Variants in RGSL1 observed in about 807,000 individuals in gnomAD.
The protein encoded by RGSL1 is regulator of G protein signaling like 1.
RGSL1 carries 97 observed loss-of-function variants against 124.7 expected under a neutral mutation model. The ratio of observed to expected loss-of-function variants is 0.78; its 90% CI spans 0.66 to 0.92. The LOEUF (loss-of-function observed/expected upper bound fraction) is 0.92. Among genes scored for constraint, RGSL1 ranks in the 40% least tolerant of loss-of-function variants. The pLI is 0.00. For synonymous variants in RGSL1, 424 were observed against 438.1 expected, an observed-to-expected ratio of 0.97 and a Z score of 0.40; for missense variants, 1,233 against 1,288.4, an observed-to-expected ratio of 0.96 and a Z score of 0.66.
chr1:182,496,329 T>C (rs112605258), intron 9 of RGSL1, among the ~76,000 whole-genome samples: 1,565 of 152,162 alleles, frequency 0.01, 19 homozygotes, highest in African/African-American at 0.031. Context: ...ACCTCCAACA[T>C]TGGAGATTAC....
intron 6 of RGSL1, among the ~76,000 whole-genome samples, chr1:182,482,454 A>G (rs1455608205): frequency 6.6e-6 from 1 of 152,280 alleles, no homozygotes; most frequent in East Asian, 1.9e-4. Context: ...GAAACTATAT[A>G]GAAAAAGTAA....
At chr1:182,559,667 G>A (rs985711913) in intron 21 of RGSL1, among the ~76,000 whole-genome samples, 4 of 152,142 alleles carry the variant, frequency 2.6e-5, no homozygotes, top group Non-Finnish European at 5.9e-5. Flanking sequence ...GACATACAAG[G>A]CCATTGCTAA....
intron 8 of RGSL1, among the ~76,000 whole-genome samples, 180 bp downstream of exon 8, chr1:182,489,382 C>T (rs554084865): frequency 1.3e-5 from 2 of 152,290 alleles, no homozygotes; most frequent in East Asian, 3.9e-4. Context: ...GAGGATGTGA[C>T]CTCCCCAGGG....
At chr1:182,558,032 G>C (rs1348582001) in intron 21 of RGSL1, among the ~76,000 whole-genome samples, 1 of 151,734 alleles carries the variant, frequency 6.6e-6, no homozygotes, top group African/African-American at 2.4e-5. Flanking sequence ...GGTGTTGCCA[G>C]AGCTTCTACT....
At chr1:182,541,755 T>C (rs1191064566) in intron 15 of RGSL1, among the ~76,000 whole-genome samples, 1 of 152,182 alleles carries the variant, frequency 6.6e-6, no homozygotes, top group Non-Finnish European at 1.5e-5. Flanking sequence ...CCCTGTCTTT[T>C]TGATAATAGC....
At chr1:182,459,490 A>G (rs1224728258) in intron 3 of RGSL1, among the ~76,000 whole-genome samples, 3 of 152,202 alleles carry the variant, frequency 2.0e-5, no homozygotes, top group African/African-American at 7.2e-5. Flanking sequence ...AAAGCTGAAA[A>G]AAATTACCTC....
At chr1:182,532,595 C>T in intron 13 of RGSL1, 67 bp from the exon 14 acceptor site, 1 of 1,487,202 alleles carries the variant, frequency 6.7e-7, no homozygotes, top group Non-Finnish European at 9.0e-7. Context: ...AGTTTTGGCA[C>T]ACAGTAGACT....
intron 1 of RGSL1, chr1:182,453,671 G>T: frequency 3.5e-6 from 1 of 287,696 alleles, no homozygotes; most frequent in South Asian, 7.9e-5. Context: ...TAAGATAAAG[G>T]AAGACAGTCA....
chr1:182,473,702 C>T lies in RGSL1; in HGVS notation c.591C>T (p.His197=), dbSNP rs966820435. 5.9e-5 allele frequency: 92 copies of T among 1,551,576 alleles called. 1 individual carries two copies. Among genetic ancestry groups the T allele is most frequent in the Admixed American group, 2.0e-4 (10 of 50,972 alleles). The change falls in exon 6 of 22, where the codon CAC becomes CAT. Residue 197 remains histidine (H), a synonymous_variant. Coordinates refer to ENST00000294854, the MANE Select transcript of RGSL1 (RefSeq NM_001137669.2). ...ATTGGCTTCCCAACTTTTACACCCA[C>T]ACCAAGATGACCATGGCCAAGGAGG... is the stretch of plus-strand genomic sequence containing the variant. ...QSYWLPNFYT[H]TKMTMAKEEA...
intron 7 of RGSL1, 164 bp from the exon 8 acceptor site, chr1:182,488,816 G>A (rs1246263579): frequency 3.7e-6 from 2 of 546,848 alleles, no homozygotes; most frequent in Admixed American, 7.0e-5. Context: ...GATTAGAAAA[G>A]GGTGGGGGTT....
chr1:182,523,517 A>AATGC (rs1558376553), intron 10 of RGSL1, among the ~76,000 whole-genome samples: 1 of 152,168 alleles, frequency 6.6e-6, no homozygotes, highest in Non-Finnish European at 1.5e-5. Context: ...CTGTAGAAAT[A>AATGC]CTTATTTTCC....
chr1:182,483,149 C>A (rs1400140701), intron 6 of RGSL1, among the ~76,000 whole-genome samples: 1 of 152,010 alleles, frequency 6.6e-6, no homozygotes, highest in African/African-American at 2.4e-5. Flanking sequence ...ATGTTTCAGT[C>A]ACGAGAGATA....
At chr1:182,508,295 T>TTG (rs1440839770) in intron 9 of RGSL1, among the ~76,000 whole-genome samples, 1 of 134,560 alleles carries the variant, frequency 7.4e-6, no homozygotes, top group Non-Finnish European at 1.6e-5. Context: ...GTGGTGTTTT[T>TTG]TTTTTTTTTT....
At chr1:182,449,658 G>A (rs1271277375), upstream of RGSL1, among the ~76,000 whole-genome samples, 1 of 152,170 alleles carries the variant, frequency 6.6e-6, no homozygotes, top group East Asian at 1.9e-4. Flanking sequence ...TAAAGATGAG[G>A]TTTCACTCTG....
At chr1:182,489,556 T>C (rs576162557) in intron 8 of RGSL1, among the ~76,000 whole-genome samples, 2 of 152,310 alleles carry the variant, frequency 1.3e-5, no homozygotes, top group South Asian at 4.1e-4. Context: ...AATAAGCATG[T>C]TCCACCTCAC....
At chr1:182,537,538 A>G (rs1659627862) in intron 14 of RGSL1, among the ~76,000 whole-genome samples, 1 of 152,208 alleles carries the variant, frequency 6.6e-6, no homozygotes, top group African/African-American at 2.4e-5. Flanking sequence ...TTGTCTTCCT[A>G]TAAAATATGC....
At chr1:182,554,896 G>C (rs951426352) in intron 20 of RGSL1, 9 of 567,218 alleles carry the variant, frequency 1.6e-5, no homozygotes, top group Non-Finnish European at 2.8e-5. Context: ...CTCCAACTAG[G>C]ACAGGCACTT....
chr1:182,517,264 A>G (rs1051717560), intron 9 of RGSL1, among the ~76,000 whole-genome samples: 3 of 140,216 alleles, frequency 2.1e-5, no homozygotes, highest in Admixed American at 7.4e-5. Flanking sequence ...ATATGCTATT[A>G]GCCTCTTTTC....
intron 6 of RGSL1, among the ~76,000 whole-genome samples, 155 bp downstream of exon 6, chr1:182,474,697 G>C (rs1475108423): frequency 6.6e-6 from 1 of 152,156 alleles, no homozygotes; most frequent in Non-Finnish European, 1.5e-5. Flanking sequence ...TAAGGCAGGG[G>C]TCCCCAGCCC....
Sources: gnomAD v4.1 joint callset for allele counts (sites outside exome capture counted in the v4.1 genomes callset) on GRCh38, gnomAD v4.1.1 for gene constraint, MANE v1.5 for transcripts, NCBI Gene and HGNC (gene_info 2026-07-23, HGNC 2026-07-21) for gene names.